Variants in DTNA observed in about 807,000 individuals in gnomAD.
DTNA encodes the protein dystrophin-related protein 3.
A neutral mutation model predicts 100.7 loss-of-function variants in DTNA; 43 were observed. That is an observed-to-expected ratio of 0.43 (90% CI 0.33 to 0.55). The LOEUF is 0.55. Ranked by LOEUF, DTNA falls within the 20% of genes least tolerant of loss-of-function variation. The pLI, the probability that DTNA is intolerant of heterozygous loss-of-function variation, is 0.04. For synonymous variants in DTNA, 349 were observed against 347.9 expected, an observed-to-expected ratio of 1.00 and a Z score of -0.04; for missense variants, 798 against 953.9, an observed-to-expected ratio of 0.84 and a Z score of 2.15.
At chr18:34,885,473 TAGTGGTC>T (rs1414047245) in intron 22 of DTNA, among the ~76,000 whole-genome samples, 1 of 152,238 alleles carries the variant, frequency 6.6e-6, no homozygotes, top group Non-Finnish European at 1.5e-5. Flanking sequence ...CACTTGACTG[TAGTGGTC>T]TGAAGCTTAG....
chr18:34,860,588 G>A (rs1376044587), intron 16 of DTNA, among the ~76,000 whole-genome samples: 1 of 152,156 alleles, frequency 6.6e-6, no homozygotes, highest in East Asian at 1.9e-4. Context: ...GTTTCCGGAG[G>A]CTCTATCTTT....
Position 34,884,817 on chromosome 18 carries a change from C to T in DTNA, c.*31+41C>T, listed in dbSNP as rs146486174. ...TTTAGGAGGAATCATGGCCACTGTACACTGAATTCTGATAACCTGTAATGC... is the reference window on the plus strand; with the variant it reads ...TTTAGGAGGAATCATGGCCACTGTATACTGAATTCTGATAACCTGTAATGC... On this transcript the variant is annotated intron_variant, in intron 22 of 22. Coordinates refer to ENST00000444659, the MANE Select transcript of DTNA (RefSeq NM_001386795.1). The T allele has an allele frequency of 5.0e-6, 8 of 1,599,320 alleles. No homozygotes were observed. In the African/African-American group the frequency reaches 1.1e-4, roughly 21 times the overall value.
At chr18:34,527,465 A>T (rs1274387359) in intron 1 of DTNA, among the ~76,000 whole-genome samples, 1 of 152,040 alleles carries the variant, frequency 6.6e-6, no homozygotes, top group East Asian at 1.9e-4. Context: ...ACTTCAGCAA[A>T]ATGAGACAAT....
At chr18:34,585,513 G>T (rs930221902) in intron 1 of DTNA, among the ~76,000 whole-genome samples, 11 of 152,164 alleles carry the variant, frequency 7.2e-5, no homozygotes, top group African/African-American at 2.7e-4. Flanking sequence ...TAAGATTGTT[G>T]TGTAGTTAAA....
chr18:34,605,648 CA>C (rs1412932788), intron 1 of DTNA, among the ~76,000 whole-genome samples: 1 of 151,588 alleles, frequency 6.6e-6, no homozygotes, highest in Non-Finnish European at 1.5e-5. Flanking sequence ...CACACACACA[CA>C]CACACACACA....
rs1418393346 is a variant in DTNA at position 34,501,238 on chromosome 18, AGCTTC to A, written c.-2+7725_-2+7729del. ...TGTGATCATATGATTTTTCTTCTTT[AGCTTC>A]TTTATATGATGGAGTACATTGATCA... On this transcript the variant is annotated intron_variant, in intron 1 of 19. Transcript: ENST00000283365. 5.9e-5 allele frequency among the ~76,000 whole-genome samples: 9 copies of A among 152,138 alleles called. No individual in the cohort carries two copies. In the East Asian group the frequency reaches 1.7e-3, roughly 29 times the overall value.
chr18:34,653,953 C>G (rs980666413), intron 1 of DTNA, among the ~76,000 whole-genome samples: 12 of 152,190 alleles, frequency 7.9e-5, no homozygotes, highest in African/African-American at 2.9e-4. Flanking sequence ...CTTCAGCCTC[C>G]TTATATCTAT....
In DTNA at chr18:34,771,265, C is replaced by T. The variant is rs565088812; in HGVS notation, c.148+5224C>T. ...CTGTATTCCCAGCACTTTGGGAGGC[C>T]GAGGCGGGCGGATCACAAGGTCAGG... On this transcript the variant is annotated intron_variant, in intron 3 of 22. Transcript: ENST00000444659. Among the ~76,000 whole-genome samples the T allele has an allele frequency of 6.6e-5, 10 of 151,968 alleles. No individual in the cohort carries two copies. The East Asian group carries it at 7.8e-4, about 12-fold the overall frequency.
intron 1 of DTNA, among the ~76,000 whole-genome samples, chr18:34,593,703 G>A (rs1161790809): frequency 4.6e-5 from 7 of 152,196 alleles, no homozygotes; most frequent in Admixed American, 2.0e-4. Flanking sequence ...AGCAGAAAGA[G>A]GATTTTTGCT....
intron 1 of DTNA, among the ~76,000 whole-genome samples, chr18:34,713,270 A>G (rs998383666): frequency 6.6e-5 from 10 of 152,166 alleles, no homozygotes; most frequent in Non-Finnish European, 1.3e-4. Context: ...GGAAATTACT[A>G]ATGGGTAGTA....
intron 1 of DTNA, among the ~76,000 whole-genome samples, chr18:34,577,336 A>G (rs545340829): frequency 1.3e-5 from 2 of 152,074 alleles, no homozygotes; most frequent in South Asian, 2.1e-4. Context: ...TAAACTTTCA[A>G]TCAATATGTG....
chr18:34,604,289 T>TA (rs542670153), intron 1 of DTNA, among the ~76,000 whole-genome samples: 1 of 152,056 alleles, frequency 6.6e-6, no homozygotes, highest in African/African-American at 2.4e-5. Context: ...ATCAATACTT[T>TA]AAAAAAAATT....
Position 34,567,030 on chromosome 18 carries a change from G to A in DTNA, c.-2+73516G>A, listed in dbSNP as rs142956883. Among the ~76,000 whole-genome samples, 401 of 152,176 alleles carry A rather than the reference G, an allele frequency of 2.6e-3. 1 individual carries two copies. The highest frequency in any genetic ancestry group is 5.7e-3 in the African/African-American group (235 of 41,520). On this transcript the variant is annotated intron_variant, in intron 1 of 19. Transcript: ENST00000283365. ...TGAATAAATCATTCCATGGTATGTC[G>A]TCAATATACCATCAATTTTGCCTTT... is the stretch of plus-strand genomic sequence containing the variant.
Position 34,806,137 on chromosome 18 carries a change from C to A in DTNA, c.363-82C>A, listed in dbSNP as rs11664472. 0.12 allele frequency: 146,222 copies of A among 1,211,682 alleles called. 11,421 individuals are homozygous for A. Among genetic ancestry groups the A allele is most frequent in the African/African-American group, 0.35 (23,161 of 66,556 alleles). The allele number at this position is 1,211,682 out of a possible 1,614,324, so 75.1% of individuals were successfully genotyped here. On this transcript the variant is annotated intron_variant, in intron 4 of 22. Coordinates refer to ENST00000444659, the MANE Select transcript of DTNA (RefSeq NM_001386795.1). ...TTTCTACAGAATAGAAAATGTCAAA[C>A]CTTGTTGCTGGAAGTACTCCAAATG...
chr18:34,515,089 C>A (rs2041468222), intron 1 of DTNA, among the ~76,000 whole-genome samples: 1 of 152,024 alleles, frequency 6.6e-6, no homozygotes, highest in East Asian at 1.9e-4. Context: ...TTTTAAAATT[C>A]TTGCTCAGAA....
intron 17 of DTNA, chr18:34,866,194 T>C: frequency 1.2e-6 from 2 of 1,614,102 alleles, no homozygotes; most frequent in Non-Finnish European, 8.5e-7. Context: ...ACCTGCGGTT[T>C]TCTCATTGCT....
intron 2 of DTNA, among the ~76,000 whole-genome samples, chr18:34,760,895 A>G (rs1040159409): frequency 2.6e-5 from 4 of 152,140 alleles, no homozygotes; most frequent in African/African-American, 9.7e-5. Flanking sequence ...TGTCCTGTGG[A>G]TATCTTACTT....
At chr18:34,805,044 C>T (rs1036339287) in intron 4 of DTNA, among the ~76,000 whole-genome samples, 3 of 152,262 alleles carry the variant, frequency 2.0e-5, no homozygotes, top group East Asian at 1.9e-4. Context: ...ACAAGCTTTA[C>T]TTACCTTTCA....
At chr18:34,556,407 G>A (rs572440001) in intron 1 of DTNA, among the ~76,000 whole-genome samples, 11 of 151,440 alleles carry the variant, frequency 7.3e-5, no homozygotes, top group Admixed American at 5.9e-4. Context: ...ATTTGATCCT[G>A]TCATTATGAT....
Sources: allele counts gnomAD v4.1 joint callset (sites outside exome capture counted in the v4.1 genomes callset), GRCh38; gene constraint gnomAD v4.1.1; transcripts MANE v1.5; gene names NCBI Gene and HGNC (gene_info 2026-07-23, HGNC 2026-07-21).